Variants in CCNT2 observed in about 807,000 individuals in gnomAD.
CCNT2 encodes cyclin T2.
In CCNT2, 18 loss-of-function variants were observed where a neutral mutation model predicts 70.0. The observed-to-expected ratio is 0.26, with a 90% CI of 0.18 to 0.38. The LOEUF is 0.38. Ranked by LOEUF, CCNT2 falls within the 10% of genes least tolerant of loss-of-function variation. The probability of loss-of-function intolerance (pLI) is 1.00; values close to 1 mark genes in which losing one functional copy is unlikely to be tolerated. For synonymous variants in CCNT2, 334 were observed against 313.3 expected, an observed-to-expected ratio of 1.07 and a Z score of -0.70; for missense variants, 734 against 890.2, an observed-to-expected ratio of 0.82 and a Z score of 2.23.
rs962357402 is a variant in CCNT2 at position 134,942,366 on chromosome 2, G to A, written c.431-246G>A. 9.2e-5 allele frequency among the ~76,000 whole-genome samples: 14 copies of A among 152,054 alleles called. No homozygotes were observed. The South Asian group carries it at 2.1e-3, about 23-fold the overall frequency. ...TTTAATTTGTTTTTAAGATAATCCC[G>A]AATCATTTATAATTCAGAATTTTGA... On this transcript the variant is annotated intron_variant, in intron 4 of 8. Transcript: ENST00000264157.
chr2:134,943,755 T>G lies in CCNT2; in HGVS notation c.493+1081T>G, dbSNP rs907865683. 21 of 985,126 alleles carry G rather than the reference T, an allele frequency of 2.1e-5. No homozygotes were observed. In the African/African-American group the frequency reaches 3.5e-4, roughly 16 times the overall value. The allele number at this position is 985,126 out of a possible 1,614,324, so 61.0% of individuals were successfully genotyped here. ...CTGCTTCTTACTTCCACTTTCCTGT[T>G]TCCATTTCAAGTGTTAATGTATTCA... On this transcript the variant is annotated intron_variant, in intron 5 of 8. Coordinates refer to ENST00000264157, the MANE Select transcript of CCNT2 (RefSeq NM_058241.3).
chr2:134,948,428 ATG>A (rs1009309850), intron 7 of CCNT2, among the ~76,000 whole-genome samples: 47 of 152,346 alleles, frequency 3.1e-4, no homozygotes, highest in African/African-American at 1.1e-3. Flanking sequence ...TGAGTTTTAA[ATG>A]TGTATACTGA....
chr2:134,919,232 A>C (rs1679654912), intron 1 of CCNT2, among the ~76,000 whole-genome samples: 1 of 152,018 alleles, frequency 6.6e-6, no homozygotes, highest in African/African-American at 2.4e-5. Context: ...TGCGTTGTGT[A>C]ATCTGTTTGG....
At position 134,954,570 on chromosome 2, in the gene CCNT2, A is replaced by G. The variant is rs1682803944; in HGVS notation, c.2115A>G (p.Thr705=). Residue 705 remains threonine, a synonymous_variant, in exon 9 of 9, where the codon ACA becomes ACG. Transcript: ENST00000264157. ...CTGATGCCAATCACGAGTACAGTAC[A>G]AGCAGCCAGCATATGGACTACAAAG... ...NGPDANHEYS[T]SSQHMDYKDT... 1.2e-6 allele frequency: 2 copies of G among 1,614,030 alleles called. No homozygotes were observed.
intron 2 of CCNT2, among the ~76,000 whole-genome samples, chr2:134,929,008 G>C (rs1206586749): frequency 6.6e-6 from 1 of 151,994 alleles, no homozygotes; most frequent in Non-Finnish European, 1.5e-5. Flanking sequence ...GAGTTGATAT[G>C]GTTCACTTTA....
In CCNT2 at chr2:134,931,262, C is replaced by CTTT. The variant is rs112471982; in HGVS notation, c.241-5556_241-5554dup. ...CAGGCATAAGCCACCATGCCCGGAT[C>CTTT]TTTTTTTTTTTTTTTTTTTTTTTTT... On this transcript the variant is annotated intron_variant, in intron 2 of 8. Coordinates refer to ENST00000264157, the MANE Select transcript of CCNT2 (RefSeq NM_058241.3). 6.4e-3 allele frequency among the ~76,000 whole-genome samples: 271 copies of CTTT among 42,394 alleles called. 23 individuals are homozygous for CTTT. The highest frequency in any genetic ancestry group is 0.021 in the East Asian group (11 of 532). 27.8% of individuals were successfully genotyped at this position (42,394 alleles called of 152,430 possible).
rs758859505 is a variant in CCNT2 at position 134,954,672 on chromosome 2, C to G, written c.*24C>G. 15 of 1,499,438 alleles carry G rather than the reference C, an allele frequency of 1.0e-5. No homozygotes were observed. Among genetic ancestry groups the G allele is most frequent in the Non-Finnish European group, 1.4e-5 (15 of 1,087,824 alleles). The allele number at this position is 1,499,438 out of a possible 1,614,324, so 92.9% of individuals were successfully genotyped here. A position where few individuals can be genotyped will look rare whatever the true frequency, so the allele number is the denominator to read the frequency against. ...AATAATTTGTTTAGGTCAATTTTTC[C>G]TTTACTTTTTTAATTTAAAAATTGT... On this transcript the variant is annotated 3_prime_UTR_variant, in exon 9 of 9. Coordinates refer to ENST00000264157, the MANE Select transcript of CCNT2 (RefSeq NM_058241.3).
At chr2:134,950,576 G>A (rs1252950629) in intron 7 of CCNT2, among the ~76,000 whole-genome samples, 1 of 152,132 alleles carries the variant, frequency 6.6e-6, no homozygotes, top group Non-Finnish European at 1.5e-5. Context: ...CGTCAAGGTT[G>A]TAGTGAGCTG....
chr2:134,925,163 A>G (rs1303510547), intron 2 of CCNT2, among the ~76,000 whole-genome samples: 6 of 152,170 alleles, frequency 3.9e-5, no homozygotes, highest in African/African-American at 1.2e-4. Flanking sequence ...CTGATATTCA[A>G]TGCCTGGGTC....
chr2:134,919,362 A>G (rs1382525323), intron 1 of CCNT2, among the ~76,000 whole-genome samples: 1 of 152,118 alleles, frequency 6.6e-6, no homozygotes. Context: ...GAAGGGTTTG[A>G]GAGGTAGGAG....
intron 2 of CCNT2, among the ~76,000 whole-genome samples, chr2:134,930,719 G>A (rs1361852906): frequency 6.6e-6 from 1 of 151,772 alleles, no homozygotes; most frequent in Non-Finnish European, 1.5e-5. Context: ...AGTGTGAAAT[G>A]ATATCCCCTA....
Position 134,956,837 on chromosome 2 carries a change from G to A in CCNT2, c.*2189G>A, listed in dbSNP as rs1020890994. 2 of 152,568 alleles carry A rather than the reference G, an allele frequency of 1.3e-5. No individual in the cohort carries two copies. Among genetic ancestry groups the A allele is most frequent in the African/African-American group, 4.8e-5 (2 of 41,436 alleles). 9.5% of individuals were successfully genotyped at this position (152,568 alleles called of 1,614,324 possible). On this transcript the variant is annotated 3_prime_UTR_variant, in exon 9 of 9. Coordinates refer to ENST00000264157, the MANE Select transcript of CCNT2 (RefSeq NM_058241.3). ...ATGTGTGAATAAAGGTAATTTTATT[G>A]AATCTTCATTGGTGCTAATGATGGA...
In CCNT2 at chr2:134,953,843, A is replaced by T; in HGVS notation, c.1388A>T (p.Gln463Leu). 1 of 1,614,094 alleles carries T rather than the reference A, an allele frequency of 6.2e-7. No homozygotes were observed. The highest frequency in any genetic ancestry group is 8.5e-7 in the Non-Finnish European group (1 of 1,179,956). ...CATTATATAGCTGCCCAGGTAGAAC[A>T]GCAGCACAAACAAGGGCAGTCACAG... Reference protein sequence around the residue: ...RDHYIAAQVEQQHKQGQSQAA... With the variant: ...RDHYIAAQVELQHKQGQSQAA... The change falls in exon 9 of 9, where the codon CAG (glutamine) becomes CTG (leucine). Residue 463 changes from glutamine (Q) to leucine (L), a missense_variant. Coordinates refer to ENST00000264157, the MANE Select transcript of CCNT2 (RefSeq NM_058241.3).
chr2:134,948,803 C>T (rs996479347), intron 7 of CCNT2, among the ~76,000 whole-genome samples: 1 of 151,836 alleles, frequency 6.6e-6, no homozygotes, highest in Non-Finnish European at 1.5e-5. Flanking sequence ...CAACCTCCAC[C>T]TCCCGAGTTC....
intron 7 of CCNT2, among the ~76,000 whole-genome samples, chr2:134,949,892 T>G (rs1573857957): frequency 6.7e-6 from 1 of 149,744 alleles, no homozygotes; most frequent in African/African-American, 2.5e-5. Flanking sequence ...GCCTCCCGGG[T>G]TCAAGCAGTT....
chr2:134,923,842 C>T (rs1680090489), intron 2 of CCNT2, among the ~76,000 whole-genome samples: 1 of 152,176 alleles, frequency 6.6e-6, no homozygotes, highest in Non-Finnish European at 1.5e-5. Context: ...CTCACTTTTT[C>T]CTGTTCTAGT....
chr2:134,953,695 G>A lies in CCNT2; in HGVS notation c.1240G>A (p.Ala414Thr). 4 of 1,613,886 alleles carry A rather than the reference G, an allele frequency of 2.5e-6. No homozygotes were observed. Among genetic ancestry groups the A allele is most frequent in the Non-Finnish European group, 2.5e-6 (3 of 1,179,794 alleles). ...SSVKQEYTHK[A>T]GSSKHHGPIS... is the part of the protein sequence containing the mutation. ...TGTTAAGCAAGAATATACTCATAAA[G>A]CAGGGAGCAGTAAACACCATGGGCC... Residue 414 changes from alanine to threonine, a missense_variant, in exon 9 of 9, where the codon GCA (alanine) becomes ACA (threonine). Physicochemically the swap from Ala to Thr is moderately conservative, Grantham distance 58. This residue lies in a region of CCNT2 where 532 missense variants were observed against 556.9 expected (regional missense o/e 0.96). Coordinates refer to ENST00000264157, the MANE Select transcript of CCNT2 (RefSeq NM_058241.3).
intron 4 of CCNT2, among the ~76,000 whole-genome samples, chr2:134,941,124 G>C (rs1319825276): frequency 6.6e-6 from 1 of 152,136 alleles, no homozygotes; most frequent in African/African-American, 2.4e-5. Flanking sequence ...GGAAGGTGAA[G>C]GATCTAAAGC....
chr2:134,939,749 C>T lies in CCNT2; in HGVS notation c.430+687C>T, dbSNP rs45459296. Among the ~76,000 whole-genome samples the T allele has an allele frequency of 1.0e-3, 157 of 152,178 alleles. 1 individual carries two copies. Among genetic ancestry groups the T allele is most frequent in the African/African-American group, 3.7e-3 (153 of 41,522 alleles). On this transcript the variant is annotated intron_variant, in intron 4 of 8. Coordinates refer to ENST00000264157, the MANE Select transcript of CCNT2 (RefSeq NM_058241.3). ...CCAAAGTGCTGGGATTACAGGTGTGCGTCACCACGCCCGGCCTATCATATG... is the reference window on the plus strand; with the variant it reads ...CCAAAGTGCTGGGATTACAGGTGTGTGTCACCACGCCCGGCCTATCATATG...
Sources: allele counts gnomAD v4.1 joint callset (sites outside exome capture counted in the v4.1 genomes callset), GRCh38; gene constraint gnomAD v4.1.1; regional missense constraint gnomAD v4.1.1; transcripts MANE v1.5; gene names NCBI Gene and HGNC (gene_info 2026-07-23, HGNC 2026-07-21).